TM9SF4: variants seen among roughly 807,000 people sequenced by gnomAD.
TM9SF4 encodes the protein dinucleotide oxidase disulfide thiol exchanger 3 superfamily member 4.
In TM9SF4, 26 loss-of-function variants were observed where a neutral mutation model predicts 90.4. The observed-to-expected ratio is 0.29, with a 90% CI of 0.21 to 0.40. The LOEUF (loss-of-function observed/expected upper bound fraction) is 0.40, where lower values mean the gene tolerates loss of function less well. TM9SF4 is among the 10% of genes least tolerant of loss of function. The pLI is 1.00. For missense variants in TM9SF4, 549 were observed against 834.8 expected (o/e 0.66, Z 4.22); for synonymous variants, 293 against 315.4 (o/e 0.93, Z 0.75).
intron 9 of TM9SF4, among the ~76,000 whole-genome samples, chr20:32,148,999 CA>C (rs1185947073): frequency 6.6e-6 from 1 of 152,168 alleles, no homozygotes; most frequent in Non-Finnish European, 1.5e-5. Flanking sequence ...AATACAATGT[CA>C]AGCTTTTATT....
intron 1 of TM9SF4, among the ~76,000 whole-genome samples, chr20:32,122,449 C>T (rs1312023890): frequency 6.7e-6 from 1 of 148,274 alleles, no homozygotes; most frequent in Non-Finnish European, 1.5e-5. Flanking sequence ...ACTTCTCATA[C>T]GGGGCGGCTG....
chr20:32,161,117 C>T (rs1600347792), intron 16 of TM9SF4, 159 bp from the exon 17 acceptor site: 1 of 606,826 alleles, frequency 1.6e-6, no homozygotes, highest in Admixed American at 2.8e-5. Flanking sequence ...GAAATGCATA[C>T]AGTTCTGGAA....
chr20:32,122,527 G>A (rs1320539480), intron 1 of TM9SF4, among the ~76,000 whole-genome samples: 3 of 151,498 alleles, frequency 2.0e-5, no homozygotes, highest in Non-Finnish European at 2.9e-5. Context: ...CCTCCCAGAC[G>A]GGGTGGCGGC....
At chr20:32,114,860 TG>T (rs2046197467) in intron 1 of TM9SF4, among the ~76,000 whole-genome samples, 1 of 152,208 alleles carries the variant, frequency 6.6e-6, no homozygotes, top group African/African-American at 2.4e-5. Context: ...TTGTGTGGCC[TG>T]GGGCAAATTA....
chr20:32,113,180 G>C (rs967827987), intron 1 of TM9SF4, among the ~76,000 whole-genome samples: 1 of 152,162 alleles, frequency 6.6e-6, no homozygotes, highest in Non-Finnish European at 1.5e-5. Context: ...TTTGTCCTTT[G>C]TTTTGAAAGT....
At chr20:32,141,216 C>CAAA (rs71185383) in intron 3 of TM9SF4, among the ~76,000 whole-genome samples, 298 of 25,966 alleles carry the variant, frequency 0.011, 15 homozygotes, top group African/African-American at 0.044. Context: ...GACTCCATCT[C>CAAA]AAAAAAAAAA....
chr20:32,118,972 A>C (rs902864035), intron 1 of TM9SF4, among the ~76,000 whole-genome samples: 9 of 151,648 alleles, frequency 5.9e-5, no homozygotes, highest in Non-Finnish European at 1.5e-5. Flanking sequence ...TGTGGAAAAG[A>C]GTATTAAAAA....
chr20:32,165,204 T>G, intron 17 of TM9SF4, 91 bp from the exon 18 acceptor site: 1 of 1,560,448 alleles, frequency 6.4e-7, no homozygotes, highest in Non-Finnish European at 8.7e-7. Flanking sequence ...GGCCTCAGTT[T>G]CCCCATGATA....
rs566826274 is a variant in TM9SF4, at chr20:32,142,253, A to T, written c.528+358A>T. On this transcript the variant is annotated intron_variant, in intron 5 of 17. Coordinates refer to ENST00000398022, the MANE Select transcript of TM9SF4 (RefSeq NM_014742.4). ...GTTACTAGTTGTCTAAGTGACCCTG[A>T]GCCTGTGGTTCCTTAGCTGTAAAAT... Among the ~76,000 whole-genome samples, 12 of 152,262 alleles carry T rather than the reference A, an allele frequency of 7.9e-5. No homozygotes were observed. In the East Asian group the frequency reaches 2.3e-3, roughly 29 times the overall value.
At chr20:32,128,653 C>T (rs1162741763) in intron 1 of TM9SF4, among the ~76,000 whole-genome samples, 1 of 152,126 alleles carries the variant, frequency 6.6e-6, no homozygotes, top group Non-Finnish European at 1.5e-5. Context: ...TTATTTAGCT[C>T]CCACTTATAA....
intron 17 of TM9SF4, among the ~76,000 whole-genome samples, chr20:32,162,057 C>T (rs1057444807): frequency 1.1e-4 from 16 of 152,144 alleles, no homozygotes; most frequent in African/African-American, 2.9e-4. Flanking sequence ...GATGTCCCCA[C>T]GACAGTTTTA....
At chr20:32,123,758 A>T (rs1372117264) in intron 1 of TM9SF4, among the ~76,000 whole-genome samples, 11 of 148,662 alleles carry the variant, frequency 7.4e-5, no homozygotes, top group Non-Finnish European at 1.6e-4. Context: ...TAATACTTCT[A>T]TTTTAATTAT....
intron 1 of TM9SF4, among the ~76,000 whole-genome samples, chr20:32,126,459 G>A (rs1034149176): frequency 2.0e-5 from 3 of 151,894 alleles, no homozygotes; most frequent in Middle Eastern, 6.3e-3. Flanking sequence ...TTTTCCTCTC[G>A]CCTCCCTTCA....
rs2047096742 is a variant in TM9SF4 at position 32,166,235 on chromosome 20, T to C, written c.*791T>C. 1 of 152,818 alleles carries C rather than the reference T, an allele frequency of 6.5e-6. No homozygotes were observed. The highest frequency in any genetic ancestry group is 6.5e-5 in the Admixed American group (1 of 15,288). The allele number at this position is 152,818 out of a possible 1,614,324, so 9.5% of individuals were successfully genotyped here. ...AGAAGAGACTTGCAGTGAACTGTTT[T>C]TGTGCCAAGAAACCCTGGACCTGGG... On this transcript the variant is annotated 3_prime_UTR_variant, in exon 18 of 18. Coordinates refer to ENST00000398022, the MANE Select transcript of TM9SF4 (RefSeq NM_014742.4).
At chr20:32,150,727 C>T (rs774731716) in intron 11 of TM9SF4, 24 bp downstream of exon 11, 12 of 1,614,068 alleles carry the variant, frequency 7.4e-6, no homozygotes, top group Admixed American at 5.0e-5. Flanking sequence ...AGTGGGCTCC[C>T]GGGGGCGGCA....
intron 1 of TM9SF4, among the ~76,000 whole-genome samples, chr20:32,129,117 A>AT (rs1481486640): frequency 9.4e-5 from 13 of 138,168 alleles, no homozygotes; most frequent in Non-Finnish European, 1.7e-4. Flanking sequence ...TTTTCCAAAG[A>AT]TAAAAAAAAA....
rs202156786 is a variant in TM9SF4 at position 32,141,479 on chromosome 20, C to A, written c.230-18C>A. ...TCAGGGCTGAAGCTCTGAGCTTGAT[C>A]TGTCTCTCTTACGGCAGGAGAGGTG... On this transcript the variant is annotated intron_variant, in intron 3 of 17. Transcript: ENST00000398022. 2 of 1,613,168 alleles carry A rather than the reference C, an allele frequency of 1.2e-6. No individual in the cohort carries two copies. Among genetic ancestry groups the A allele is most frequent in the Non-Finnish European group, 8.5e-7 (1 of 1,179,398 alleles).
intron 17 of TM9SF4, among the ~76,000 whole-genome samples, chr20:32,164,697 A>G (rs1270455369): frequency 6.6e-6 from 1 of 152,064 alleles, no homozygotes; most frequent in Non-Finnish European, 1.5e-5. Context: ...GACAGGCCCT[A>G]CTCAGGCCCT....
chr20:32,143,530 C>G (rs199780133), intron 6 of TM9SF4, among the ~76,000 whole-genome samples: 2 of 152,126 alleles, frequency 1.3e-5, no homozygotes, highest in East Asian at 3.9e-4. Context: ...GTTCCTCTCC[C>G]GCTGTGTGAG....
Sources: allele counts gnomAD v4.1 joint callset (sites outside exome capture counted in the v4.1 genomes callset), GRCh38; gene constraint gnomAD v4.1.1; transcripts MANE v1.5; gene names NCBI Gene and HGNC (gene_info 2026-07-23, HGNC 2026-07-21).